Variants in PARD3 observed in about 807,000 individuals in gnomAD.
PARD3 encodes partitioning defective 3 homolog.
PARD3 carries 75 observed loss-of-function variants against 155.4 expected under a neutral mutation model. That is an observed-to-expected ratio of 0.48 (90% CI 0.40 to 0.58). The LOEUF (loss-of-function observed/expected upper bound fraction) is 0.58. Among genes scored for constraint, PARD3 ranks in the 20% least tolerant of loss-of-function variants. PARD3 has a pLI of 0.00. For missense variants in PARD3, 1,642 were observed against 1,721.7 expected (o/e 0.95, Z 0.82); for synonymous variants, 576 against 610.5 (o/e 0.94, Z 0.83).
chr10:34,242,333 C>T (rs568917069), intron 22 of PARD3, among the ~76,000 whole-genome samples: 1 of 152,252 alleles, frequency 6.6e-6, no homozygotes, highest in South Asian at 2.1e-4. Context: ...CAAGGCAGCA[C>T]TCCTATTTAA....
At chr10:34,240,418 G>C (rs758353521) in intron 22 of PARD3, among the ~76,000 whole-genome samples, 1 of 152,034 alleles carries the variant, frequency 6.6e-6, no homozygotes, top group Non-Finnish European at 1.5e-5. Flanking sequence ...CCTATGTTTT[G>C]TAAGTTTTAT....
intron 22 of PARD3, among the ~76,000 whole-genome samples, chr10:34,236,494 C>G (rs957340619): frequency 1.3e-5 from 2 of 152,144 alleles, no homozygotes; most frequent in Non-Finnish European, 2.9e-5. Flanking sequence ...TGACAAATAA[C>G]TAAAAGCTTT....
At chr10:34,736,635 T>C (rs1015646039) in intron 1 of PARD3, among the ~76,000 whole-genome samples, 29 of 144,392 alleles carry the variant, frequency 2.0e-4, no homozygotes, top group African/African-American at 6.3e-4. Context: ...TGGAAATAGG[T>C]TACTTTATTA....
chr10:34,556,755 G>A (rs942538932), intron 2 of PARD3, among the ~76,000 whole-genome samples: 8 of 152,104 alleles, frequency 5.3e-5, no homozygotes. Context: ...TTCCAGTCAT[G>A]AACTTCAAGA....
intron 2 of PARD3, among the ~76,000 whole-genome samples, chr10:34,552,005 C>T (rs1283739410): frequency 6.6e-5 from 10 of 152,236 alleles, no homozygotes; most frequent in Non-Finnish European, 1.0e-4. Flanking sequence ...GAAGATTCCA[C>T]ATAATAGTGT....
At chr10:34,692,242 A>G (rs2094078861) in intron 2 of PARD3, among the ~76,000 whole-genome samples, 1 of 152,144 alleles carries the variant, frequency 6.6e-6, no homozygotes, top group African/African-American at 2.4e-5. Flanking sequence ...CAAAAAAAAA[A>G]AAAAAATCAA....
intron 1 of PARD3, among the ~76,000 whole-genome samples, chr10:34,806,849 TC>T (rs1564638557): frequency 9.2e-5 from 14 of 151,830 alleles, no homozygotes; most frequent in Non-Finnish European, 1.8e-4. Context: ...AGAGCAGGAG[TC>T]CCTGCACAGC....
chr10:34,648,727 A>G (rs75194137), intron 2 of PARD3, among the ~76,000 whole-genome samples: 3,731 of 152,294 alleles, frequency 0.024, 68 homozygotes, highest in Admixed American at 0.059. Context: ...ATGGACCAGT[A>G]CCACACAGTG....
intron 3 of PARD3, among the ~76,000 whole-genome samples, chr10:34,511,474 T>G (rs948520028): frequency 6.6e-6 from 1 of 152,184 alleles, no homozygotes; most frequent in Non-Finnish European, 1.5e-5. Context: ...GGCTGGCATC[T>G]GGAGAGGACC....
intron 5 of PARD3, among the ~76,000 whole-genome samples, chr10:34,413,138 T>TACACACACACACACACAC (rs879785568): frequency 9.6e-5 from 9 of 93,610 alleles, no homozygotes; most frequent in African/African-American, 5.0e-4. Flanking sequence ...GTACTTCAGA[T>TACACACACACACACACAC]ATATATACAC....
chr10:34,518,777 T>C (rs985405287), intron 2 of PARD3, among the ~76,000 whole-genome samples: 1 of 152,186 alleles, frequency 6.6e-6, no homozygotes, highest in African/African-American at 2.4e-5. Flanking sequence ...TACTAATGGA[T>C]ACTAACATTA....
At chr10:34,398,053 T>C (rs1589430236) in intron 7 of PARD3, among the ~76,000 whole-genome samples, 3 of 152,162 alleles carry the variant, frequency 2.0e-5, no homozygotes, top group Admixed American at 1.3e-4. Flanking sequence ...TAAAGAGAAT[T>C]AAAAAGTAAA....
chr10:34,603,805 A>C (rs2089992856), intron 2 of PARD3, among the ~76,000 whole-genome samples: 1 of 152,160 alleles, frequency 6.6e-6, no homozygotes, highest in African/African-American at 2.4e-5. Flanking sequence ...CAAAAAGAAA[A>C]AGATGGGCAG....
intron 2 of PARD3, among the ~76,000 whole-genome samples, chr10:34,581,234 C>CTTTTCTTTTTTTTTTTT (rs1395063490): frequency 9.9e-6 from 1 of 101,274 alleles, no homozygotes. Flanking sequence ...TTTTTCTTTT[C>CTTTTCTTTTTTTTTTTT]TTTTTTTTTT....
chr10:34,639,423 A>C (rs1438065263), intron 2 of PARD3, among the ~76,000 whole-genome samples: 6 of 152,196 alleles, frequency 3.9e-5, no homozygotes, highest in Non-Finnish European at 7.3e-5. Flanking sequence ...ACAAGGAAAA[A>C]AAACACGTTT....
intron 5 of PARD3, among the ~76,000 whole-genome samples, chr10:34,431,962 A>T (rs1456048777): frequency 1.4e-5 from 2 of 141,474 alleles, no homozygotes; most frequent in African/African-American, 5.3e-5. Flanking sequence ...GAATGGCGTG[A>T]ACCTGAGAGG....
At chr10:34,222,436 A>AGGGCCTCCCCTT (rs1038398006) in intron 22 of PARD3, among the ~76,000 whole-genome samples, 10 of 152,216 alleles carry the variant, frequency 6.6e-5, no homozygotes, top group African/African-American at 2.4e-4. Context: ...GAGGCCCCAA[A>AGGGCCTCCCCTT]TGGGAGACCC....
intron 22 of PARD3, among the ~76,000 whole-genome samples, chr10:34,227,886 T>TATATATATATATATATATA (rs1564499942): frequency 6.4e-5 from 4 of 62,930 alleles, no homozygotes; most frequent in African/African-American, 5.6e-5. Flanking sequence ...ATATATATAC[T>TATATATATATATATATATA]GGGAATATAT....
intron 8 of PARD3, among the ~76,000 whole-genome samples, chr10:34,383,815 T>C (rs574842934): frequency 6.6e-6 from 1 of 152,230 alleles, no homozygotes; most frequent in African/African-American, 2.4e-5. Context: ...GCAGCAAAGG[T>C]GGACGGGTGA....
Sources: allele counts gnomAD v4.1 joint callset (sites outside exome capture counted in the v4.1 genomes callset), GRCh38; gene constraint gnomAD v4.1.1; transcripts MANE v1.5; gene names NCBI Gene and HGNC (gene_info 2026-07-23, HGNC 2026-07-21).